Variants in TSPAN12 observed in about 807,000 individuals in gnomAD.
The protein encoded by TSPAN12 is tetraspanin 12, also known as tetraspanin-12.
TSPAN12 carries 19 observed loss-of-function variants against 39.2 expected under a neutral mutation model. That is an observed-to-expected ratio of 0.49 (90% CI 0.34 to 0.71). The LOEUF (loss-of-function observed/expected upper bound fraction) is 0.71. TSPAN12 is among the 30% of genes least tolerant of loss of function. The pLI is 0.01. For synonymous variants in TSPAN12, 119 were observed against 124.8 expected (o/e 0.95, Z 0.31); for missense variants, 314 against 359.9 (o/e 0.87, Z 1.03).
chr7:120,803,405 T>C (rs1048857674), intron 7 of TSPAN12, among the ~76,000 whole-genome samples: 1 of 152,164 alleles, frequency 6.6e-6, no homozygotes, highest in Admixed American at 6.6e-5. Flanking sequence ...AACCCTCATC[T>C]TCCTACTGAA....
intron 4 of TSPAN12, among the ~76,000 whole-genome samples, chr7:120,816,850 T>C (rs1000412752): frequency 6.6e-6 from 1 of 152,010 alleles, no homozygotes; most frequent in Non-Finnish European, 1.5e-5. Flanking sequence ...AGAGGAGGCA[T>C]GAAGCGAGCA....
At chr7:120,854,463 GTA>G (rs1210853826) in intron 2 of TSPAN12, among the ~76,000 whole-genome samples, 5 of 152,158 alleles carry the variant, frequency 3.3e-5, no homozygotes, top group Non-Finnish European at 7.4e-5. Context: ...TCTCAGCGCT[GTA>G]TATATGTTAA....
At chr7:120,792,264 G>T (rs938602342) in intron 7 of TSPAN12, among the ~76,000 whole-genome samples, 2 of 152,168 alleles carry the variant, frequency 1.3e-5, no homozygotes, top group African/African-American at 2.4e-5. Context: ...CTACTGTATG[G>T]CTGGTCTGGC....
chr7:120,811,705 T>C (rs933557490), intron 5 of TSPAN12, among the ~76,000 whole-genome samples: 1 of 150,858 alleles, frequency 6.6e-6, no homozygotes, highest in African/African-American at 2.4e-5. Flanking sequence ...ATATATACCA[T>C]GGAATACTAT....
At chr7:120,818,828 T>C (rs1456522200) in intron 4 of TSPAN12, among the ~76,000 whole-genome samples, 5 of 152,098 alleles carry the variant, frequency 3.3e-5, no homozygotes, top group Admixed American at 1.3e-4. Flanking sequence ...TATTGTTATT[T>C]CTAGGCCTTA....
In TSPAN12 at chr7:120,806,603, G is replaced by A. The variant is rs1305130102; in HGVS notation, c.558C>T (p.Phe186=). 1.2e-6 allele frequency: 2 copies of A among 1,613,354 alleles called. No individual in the cohort carries two copies. Among genetic ancestry groups the A allele is most frequent in the African/African-American group, 2.7e-5 (2 of 74,830 alleles). ...WPPDSCCVRE[F]PGCSKQAHQE... The stretch of plus-strand genomic sequence containing the variant: ...GGTGGGCCTGTTTGGAACATCCTGG[G>A]AATTCTCTAACACAGCAGGAATCTG... The change falls in exon 7 of 8, where the codon TTC becomes TTT. Residue 186 remains phenylalanine, a synonymous_variant. Coordinates refer to ENST00000222747, the MANE Select transcript of TSPAN12 (RefSeq NM_012338.4).
In TSPAN12 at chr7:120,790,523, A is replaced by T. The variant is rs1361635665; in HGVS notation, c.613-1626T>A. Among the ~76,000 whole-genome samples the T allele has an allele frequency of 2.0e-5, 3 of 152,208 alleles. No individual in the cohort carries two copies. The East Asian group carries it at 5.8e-4, about 29-fold the overall frequency. On this transcript the variant is annotated intron_variant, in intron 7 of 7. Transcript: ENST00000222747. ...GAAAGATCAAATTAAAAATAGATGGAAAATCTATGATTAGCAGATATTAAT... is the reference window on the plus strand; with the variant it reads ...GAAAGATCAAATTAAAAATAGATGGTAAATCTATGATTAGCAGATATTAAT...
At position 120,789,021 on chromosome 7, in the gene TSPAN12, G is replaced by A. The variant is rs557799693; in HGVS notation, c.613-124C>T. On this transcript the variant is annotated intron_variant, in intron 7 of 7. Coordinates refer to ENST00000222747, the MANE Select transcript of TSPAN12 (RefSeq NM_012338.4). ...GACTAACTGGGATCATAAAGTTTAA[G>A]ACAGTGGTTCTCAGGGAAAGCTGAT... 7.9e-6 allele frequency: 8 copies of A among 1,014,102 alleles called. No homozygotes were observed. In the African/African-American group the frequency reaches 8.0e-5, roughly 10 times the overall value. The allele number at this position is 1,014,102 out of a possible 1,614,324, so 62.8% of individuals were successfully genotyped here.
At chr7:120,803,666 TA>T (rs1431807668) in intron 7 of TSPAN12, among the ~76,000 whole-genome samples, 2 of 152,196 alleles carry the variant, frequency 1.3e-5, no homozygotes, top group Non-Finnish European at 2.9e-5. Context: ...AGTCTGTGTC[TA>T]AAGAACATCT....
chr7:120,802,430 C>T (rs946576395), intron 7 of TSPAN12, among the ~76,000 whole-genome samples: 4 of 152,206 alleles, frequency 2.6e-5, no homozygotes, highest in Non-Finnish European at 4.4e-5. Context: ...GTAACTCCCT[C>T]ACCAACAAAG....
chr7:120,816,514 G>T (rs1027141900), intron 4 of TSPAN12, among the ~76,000 whole-genome samples: 2 of 152,030 alleles, frequency 1.3e-5, no homozygotes, highest in Non-Finnish European at 2.9e-5. Context: ...GCAAATAAAA[G>T]CCATGAACAA....
At chr7:120,801,694 T>A (rs1053184534) in intron 7 of TSPAN12, among the ~76,000 whole-genome samples, 1 of 152,214 alleles carries the variant, frequency 6.6e-6, no homozygotes, top group African/African-American at 2.4e-5. Context: ...ATTGTGAGCC[T>A]GTTTACTTCC....
rs1222206845 is a variant in TSPAN12, at chr7:120,806,749, T to C, written c.469-57A>G. 33 of 1,607,696 alleles carry C rather than the reference T, an allele frequency of 2.1e-5. No homozygotes were observed. In the East Asian group the frequency reaches 4.7e-4, roughly 23 times the overall value. ...ACCACAAAAATATTTTCTTAACTTA[T>C]AGGAGATTAAACATCAGTTTTTTAA... On this transcript the variant is annotated intron_variant, in intron 6 of 7. Transcript: ENST00000222747.
intron 2 of TSPAN12, among the ~76,000 whole-genome samples, chr7:120,842,266 A>G (rs983701957): frequency 3.3e-5 from 5 of 152,088 alleles, no homozygotes; most frequent in Admixed American, 6.6e-5. Context: ...TGCTTGGAAA[A>G]TCAGCTAGTG....
chr7:120,830,071 C>G (rs1371009299), intron 4 of TSPAN12, among the ~76,000 whole-genome samples: 1 of 152,042 alleles, frequency 6.6e-6, no homozygotes, highest in Admixed American at 6.6e-5. Flanking sequence ...CCATAAAATA[C>G]TTACAAGTAA....
rs1441657492 is a variant in TSPAN12, at chr7:120,796,931, G to A, written c.613-8034C>T. On this transcript the variant is annotated intron_variant, in intron 7 of 7. Transcript: ENST00000222747. ...AGCACTTTGGGAGGCCGAGGCAGGC[G>A]GATCACGAGGTCAGGAGACAGAGAC... 9.2e-5 allele frequency among the ~76,000 whole-genome samples: 14 copies of A among 152,226 alleles called. No homozygotes were observed. In the South Asian group the frequency reaches 1.2e-3, roughly 14 times the overall value.
rs564138131 is a variant in TSPAN12, at chr7:120,827,569, T to C, written c.285+11208A>G. 2.6e-5 allele frequency among the ~76,000 whole-genome samples: 4 copies of C among 152,320 alleles called. No homozygotes were observed. The South Asian group carries it at 6.2e-4, about 24-fold the overall frequency. On this transcript the variant is annotated intron_variant, in intron 4 of 7. Transcript: ENST00000222747. ...CAAAACATCAGTAATTCAGTCTAAA[T>C]GATAGAAGGAAGTTTGAATTAACTA...
Position 120,806,638 on chromosome 7 carries a change from C to T in TSPAN12, c.523G>A (p.Asp175Asn), listed in dbSNP as rs1475374613. Residue 175 changes from aspartate (D) to asparagine (N), a missense_variant, in exon 7 of 8, where the codon GAC (aspartate) becomes AAC (asparagine). By Grantham distance (23) the Asp-to-Asn change is conservative (BLOSUM62 1). Coordinates refer to ENST00000222747, the MANE Select transcript of TSPAN12 (RefSeq NM_012338.4). Reference sequence around the variant, plus strand: ...ACACAGCAGGAATCTGGGGGCCAGTCCATCTCTGTCATTTCCAACCAGTCA... The same window carrying T: ...ACACAGCAGGAATCTGGGGGCCAGTTCATCTCTGTCATTTCCAACCAGTCA... ...FTDWLEMTEM[D>N]WPPDSCCVRE... 4 of 1,613,400 alleles carry T rather than the reference C, an allele frequency of 2.5e-6. No individual in the cohort carries two copies. Among genetic ancestry groups the T allele is most frequent in the Non-Finnish European group, 3.4e-6 (4 of 1,179,640 alleles).
chr7:120,856,909 C>T (rs1365748052), intron 1 of TSPAN12, 76 bp from the exon 2 acceptor site: 2 of 846,878 alleles, frequency 2.4e-6, no homozygotes, highest in Admixed American at 2.0e-5. Context: ...CCCTCCTCCA[C>T]CCGCCCTCAG....
Sources: gnomAD v4.1 joint callset for allele counts (sites outside exome capture counted in the v4.1 genomes callset) on GRCh38, gnomAD v4.1.1 for gene constraint, MANE v1.5 for transcripts, NCBI Gene and HGNC (gene_info 2026-07-23, HGNC 2026-07-21) for gene names.